Variants in PHYKPL observed in about 807,000 individuals in gnomAD.
PHYKPL encodes the protein 5-phosphonooxy-L-lysine phospho-lyase.
Under a neutral mutation model 51.3 loss-of-function variants are expected in PHYKPL, and 42 were observed. The ratio of observed to expected loss-of-function variants is 0.82; its 90% CI spans 0.64 to 1.06. The LOEUF is 1.06. Among genes scored for constraint, PHYKPL ranks in the 50% least tolerant of loss-of-function variants. The pLI is 0.00. For synonymous variants in PHYKPL, 264 were observed against 236.0 expected (o/e 1.12, Z -1.09); for missense variants, 655 against 586.6 (o/e 1.12, Z -1.20).
intron 8 of PHYKPL, chr5:178,215,982 G>A (rs191535113): frequency 1.3e-5 from 2 of 152,376 alleles, no homozygotes; most frequent in African/African-American, 2.4e-5. Context: ...TTTTTGTTTC[G>A]TTTTTAAACT....
Position 178,211,968 on chromosome 5 carries a change from T to A in PHYKPL, c.1306A>T (p.Met436Leu). ...TCACAACTTCTCACCTTCTCTTCCA[T>A]GTCTGAAAAAGACCACAAAGCAATG... is the stretch of plus-strand genomic sequence containing the variant. ...VAKLDAILTD[M>L]EEKVRSCETL... Residue 436 changes from methionine to leucine, a missense_variant and splice_region_variant, in exon 12 of 13, where the codon ATG becomes TTG. Transcript: ENST00000308158. 1 of 1,614,224 alleles carries A rather than the reference T, an allele frequency of 6.2e-7. No homozygotes were observed. Among genetic ancestry groups the A allele is most frequent in the East Asian group, 2.2e-5 (1 of 44,886 alleles).
At chr5:178,226,539 A>G (rs1245209270) in intron 3 of PHYKPL, 2 of 152,212 alleles carry the variant, frequency 1.3e-5, no homozygotes, top group African/African-American at 4.8e-5. Flanking sequence ...GGTATGAAGG[A>G]AGGGCATGGA....
At chr5:178,210,741 T>TATTTA (rs1758027254) in intron 12 of PHYKPL, 1 of 769,136 alleles carries the variant, frequency 1.3e-6, no homozygotes, top group African/African-American at 1.7e-5. Flanking sequence ...ATGTGCATCT[T>TATTTA]ATTTAAAATT....
rs1254534620 is a variant in PHYKPL at position 178,213,003 on chromosome 5, C to G, written c.1273G>C (p.Val425Leu). 3 of 1,614,180 alleles carry G rather than the reference C, an allele frequency of 1.9e-6. No homozygotes were observed. The highest frequency in any genetic ancestry group is 2.2e-5 in the East Asian group (1 of 44,886). The change falls in exon 11 of 13, where the codon GTG becomes CTG. Residue 425 changes from valine (V) to leucine (L), a missense_variant. Coordinates refer to ENST00000308158, the MANE Select transcript of PHYKPL (RefSeq NM_153373.4). ...MCFSLDNARQ[V>L]VAKLDAILTD... ...AGAATGGCATCCAGCTTTGCCACCACCTGCCGTGCATTGTCCAGGCTGAAG... is the reference window on the plus strand; with the variant it reads ...AGAATGGCATCCAGCTTTGCCACCAGCTGCCGTGCATTGTCCAGGCTGAAG...
chr5:178,229,635 T>C, intron 3 of PHYKPL: 2 of 254,924 alleles, frequency 7.8e-6, no homozygotes, highest in South Asian at 8.4e-5. Context: ...CCTTCCTTAC[T>C]GAGCAACCCA....
chr5:178,208,415 A>G (rs1757211006), downstream of PHYKPL: 1 of 152,222 alleles, frequency 6.6e-6, no homozygotes, highest in South Asian at 2.1e-4. Context: ...ATGTGCCATA[A>G]TGGGAAATGG....
At position 178,224,714 on chromosome 5, in the gene PHYKPL, G is replaced by A. The variant is rs775912876; in HGVS notation, c.429C>T (p.His143=). Residue 143 remains histidine (H), a synonymous_variant, in exon 5 of 13, where the codon CAC becomes CAT. Coordinates refer to ENST00000308158, the MANE Select transcript of PHYKPL (RefSeq NM_153373.4). ...GACTGATGTCAATCAGGGAGCTCAG[G>A]TGGCCGTGATACGCACTGGGGAGGA... ...VVVLDHAYHG[H]LSSLIDISPY... 6.2e-7 allele frequency: 1 copy of A among 1,614,094 alleles called. No individual in the cohort carries two copies. Among genetic ancestry groups the A allele is most frequent in the Non-Finnish European group, 8.5e-7 (1 of 1,179,952 alleles).
intron 12 of PHYKPL, chr5:178,210,949 T>C (rs774098333): frequency 1.2e-4 from 40 of 331,218 alleles, no homozygotes; most frequent in Admixed American, 2.3e-4. Flanking sequence ...GAGTAAATTG[T>C]ATCTTAGGAA....
Position 178,214,840 on chromosome 5 carries a change from G to T in PHYKPL, c.1128C>A (p.Ala376=). Residue 376 remains alanine, a synonymous_variant, in exon 10 of 13, where the codon GCC becomes GCA. Coordinates refer to ENST00000308158, the MANE Select transcript of PHYKPL (RefSeq NM_153373.4). ...FIGVDLIKDE[A]TRTPATEEAA... ...CCTCTTCAGTTGCTGGTGTCCTTGTGGCCTCATCTTTGATCAGATCCACAC... is the reference window on the plus strand; with the variant it reads ...CCTCTTCAGTTGCTGGTGTCCTTGTTGCCTCATCTTTGATCAGATCCACAC... The T allele has an allele frequency of 6.2e-7, 1 of 1,613,856 alleles. No homozygotes were observed. The highest frequency in any genetic ancestry group is 1.3e-5 in the African/African-American group (1 of 75,006).
chr5:178,210,691 G>A, intron 12 of PHYKPL: 1 of 1,274,706 alleles, frequency 7.8e-7, no homozygotes, highest in South Asian at 1.2e-5. Flanking sequence ...ACACAATTAT[G>A]TACCAAATTT....
At chr5:178,209,562 G>C (rs1288171281) in intron 12 of PHYKPL, 2 of 864,632 alleles carry the variant, frequency 2.3e-6, no homozygotes, top group Admixed American at 4.3e-5. Context: ...ATTGTGTGAG[G>C]TTGGGGACGA....
At chr5:178,225,705 T>C (rs867746049) in intron 3 of PHYKPL, 11 of 459,422 alleles carry the variant, frequency 2.4e-5, no homozygotes, top group African/African-American at 1.4e-4. Flanking sequence ...AACCATTGTT[T>C]TTCCTCTGCT....
chr5:178,232,400 C>T lies in PHYKPL; in HGVS notation c.59+92G>A. On this transcript the variant is annotated intron_variant, in intron 1 of 12. Coordinates refer to ENST00000308158, the MANE Select transcript of PHYKPL (RefSeq NM_153373.4). Reference sequence around the variant, plus strand: ...GTAGCAGCGGCTTCCTAGCCGGAGGCGCGTGCGTAGTGCGTGCGTGCGTGC... The same window carrying T: ...GTAGCAGCGGCTTCCTAGCCGGAGGTGCGTGCGTAGTGCGTGCGTGCGTGC... 3.0e-6 allele frequency: 4 copies of T among 1,334,604 alleles called. No individual in the cohort carries two copies. In the South Asian group the frequency reaches 7.8e-5, roughly 26 times the overall value. The allele number at this position is 1,334,604 out of a possible 1,614,324, so 82.7% of individuals were successfully genotyped here.
At chr5:178,217,858 AG>A (rs1760181216) in intron 8 of PHYKPL, among the ~76,000 whole-genome samples, 2 of 148,034 alleles carry the variant, frequency 1.4e-5, no homozygotes, top group East Asian at 2.0e-4. Flanking sequence ...ACTCCGTCTC[AG>A]AAAAAAAAAA....
intron 10 of PHYKPL, 44 bp downstream of exon 10, chr5:178,214,752 G>C: frequency 6.4e-7 from 1 of 1,563,484 alleles, no homozygotes; most frequent in Non-Finnish European, 8.8e-7. Context: ...GGTACCTGTG[G>C]TGTCTCCTAC....
intron 8 of PHYKPL, among the ~76,000 whole-genome samples, chr5:178,222,084 T>C (rs1467415689): frequency 6.6e-6 from 1 of 152,256 alleles, no homozygotes; most frequent in Admixed American, 6.5e-5. Flanking sequence ...ACAGAATGGG[T>C]GGCATCTGCT....
intron 8 of PHYKPL, among the ~76,000 whole-genome samples, chr5:178,221,727 C>A (rs1415771905): frequency 6.6e-6 from 1 of 152,142 alleles, no homozygotes; most frequent in Non-Finnish European, 1.5e-5. Flanking sequence ...AGTCTGCCTT[C>A]CTCCAGTTCT....
rs1184090694 is a variant in PHYKPL, at chr5:178,222,657, T to C, written c.702-77A>G. The C allele has an allele frequency of 3.3e-6, 5 of 1,502,570 alleles. No homozygotes were observed. In the African/African-American group the frequency reaches 4.1e-5, roughly 12 times the overall value. The allele number at this position is 1,502,570 out of a possible 1,614,324, so 93.1% of individuals were successfully genotyped here. A position where few individuals can be genotyped will look rare whatever the true frequency, so the allele number is the denominator to read the frequency against. ...TCAGGACCCAGGAGGTCTCGGGGCT[T>C]TGCACCCTGGCTCTGCCAGCAGTAA... On this transcript the variant is annotated intron_variant, in intron 7 of 12. Transcript: ENST00000308158.
intron 8 of PHYKPL, among the ~76,000 whole-genome samples, chr5:178,219,151 T>G (rs1371067906): frequency 6.6e-6 from 1 of 152,156 alleles, no homozygotes; most frequent in African/African-American, 2.4e-5. Context: ...TAGGGAGAGA[T>G]ATCTTAAACA....
Sources: gnomAD v4.1 joint callset for allele counts (sites outside exome capture counted in the v4.1 genomes callset) on GRCh38, gnomAD v4.1.1 for gene constraint, MANE v1.5 for transcripts, NCBI Gene and HGNC (gene_info 2026-07-23, HGNC 2026-07-21) for gene names.